The following PIK3CD variants were observed in gnomAD, a reference collection of about 807,000 sequenced individuals.
PIK3CD encodes phosphatidylinositol 4,5-bisphosphate 3-kinase catalytic subunit delta isoform.
PIK3CD carries 20 observed loss-of-function variants against 122.9 expected under a neutral mutation model. The ratio of observed to expected loss-of-function variants is 0.16; its 90% CI spans 0.11 to 0.24. The LOEUF (loss-of-function observed/expected upper bound fraction) is 0.24, where lower values mean the gene tolerates loss of function less well. PIK3CD is among the 10% of genes least tolerant of loss of function. The probability of loss-of-function intolerance (pLI) is 1.00; values close to 1 mark genes in which losing one functional copy is unlikely to be tolerated. For synonymous variants in PIK3CD, 596 were observed against 593.4 expected (o/e 1.00, Z -0.06); for missense variants, 787 against 1,406.3 (o/e 0.56, Z 7.04).
At chr1:9,635,567 G>A in the PIK3CD span, among the ~76,000 whole-genome samples, 1 of 152,114 alleles carries the variant, frequency 6.6e-6, no homozygotes, top group Non-Finnish European at 1.5e-5. Context: ...GCTCGCCTTG[G>A]GTCAGGTGAT....
At chr1:9,678,087 T>C (rs1172557550) in intron 1 of PIK3CD, among the ~76,000 whole-genome samples, 2 of 149,548 alleles carry the variant, frequency 1.3e-5, no homozygotes, top group African/African-American at 2.5e-5. Flanking sequence ...GAGGTTGCAG[T>C]GAGCCAAGAT....
chr1:9,637,635 C>T, the PIK3CD span, among the ~76,000 whole-genome samples: 3 of 152,130 alleles, frequency 2.0e-5, no homozygotes, highest in East Asian at 5.8e-4. Context: ...AAGGATCCTT[C>T]CTAGCCTCTT....
In PIK3CD at chr1:9,652,801, G is replaced by A. The variant is rs1033704865; in HGVS notation, c.-138+999G>A. 6.6e-6 allele frequency: 1 copy of A among 152,264 alleles called. No individual in the cohort carries two copies. The highest frequency in any genetic ancestry group is 6.5e-5 in the Admixed American group (1 of 15,272). The allele number at this position is 152,264 out of a possible 1,614,324, so 9.4% of individuals were successfully genotyped here. A position where few individuals can be genotyped will look rare whatever the true frequency, so the allele number is the denominator to read the frequency against. On this transcript the variant is annotated intron_variant, in intron 1 of 23. Coordinates refer to ENST00000377346, the MANE Select transcript of PIK3CD (RefSeq NM_005026.5). The surrounding 1 kb of genome is among the most constrained non-coding windows in gnomAD (Gnocchi z 6.2). The stretch of plus-strand genomic sequence containing the variant: ...GCTGGGAGGTCCCGAAAAGTGCGCT[G>A]TGGGTGGGGCGAGGGTGAAGCAGGT...
At chr1:9,707,322 CTTTT>C (rs112682484) in intron 2 of PIK3CD, among the ~76,000 whole-genome samples, 2 of 117,100 alleles carry the variant, frequency 1.7e-5, no homozygotes. Context: ...ATTGTGGTTT[CTTTT>C]TTTTTTTTTT....
intron 2 of PIK3CD, among the ~76,000 whole-genome samples, chr1:9,705,339 AAAG>A (rs917072236): frequency 2.6e-5 from 4 of 150,968 alleles, no homozygotes; most frequent in Non-Finnish European, 5.9e-5. Context: ...AAAAAAAAAA[AAAG>A]GAAAAAAAAA....
Position 9,727,117 on chromosome 1 carries a change from A to T in PIK3CD, c.*71A>T. On this transcript the variant is annotated 3_prime_UTR_variant, in exon 24 of 24. Coordinates refer to ENST00000377346, the MANE Select transcript of PIK3CD (RefSeq NM_005026.5). ...TGGGGACCAAGCACATTGGTCCTAA[A>T]GGGGCTGAAGAGCCTGAACTGCACC... The T allele has an allele frequency of 2.5e-6, 4 of 1,575,890 alleles. No individual in the cohort carries two copies. Among genetic ancestry groups the T allele is most frequent in the Non-Finnish European group, 2.6e-6 (3 of 1,147,706 alleles).
chr1:9,643,423 T>TGA, the PIK3CD span, among the ~76,000 whole-genome samples: 749 of 104,484 alleles, frequency 7.2e-3, 2 homozygotes, highest in Middle Eastern at 0.077. Context: ...AGACAGAAAG[T>TGA]GAGAGAGAGA....
At chr1:9,668,248 G>A (rs984872095) in intron 1 of PIK3CD, among the ~76,000 whole-genome samples, 7 of 152,044 alleles carry the variant, frequency 4.6e-5, no homozygotes, top group Admixed American at 2.0e-4. Flanking sequence ...GATTCAAACC[G>A]TAGCTCTTCC....
Position 9,724,459 on chromosome 1 carries a change from T to C in PIK3CD, c.2864+38T>C. Reference sequence around the variant, plus strand: ...GAGCCCCACCAGATGCCCCTCGGTGTGGGGCCCCAGGGAACAGGGCAGAGG... The same window carrying C: ...GAGCCCCACCAGATGCCCCTCGGTGCGGGGCCCCAGGGAACAGGGCAGAGG... On this transcript the variant is annotated intron_variant, in intron 22 of 23. Coordinates refer to ENST00000377346, the MANE Select transcript of PIK3CD (RefSeq NM_005026.5). This position sits in a 1 kb window ranked among gnomAD's most constrained non-coding sequence, Gnocchi z 7.3. The C allele has an allele frequency of 6.2e-7, 1 of 1,611,326 alleles. No homozygotes were observed. The highest frequency in any genetic ancestry group is 8.5e-7 in the Non-Finnish European group (1 of 1,178,068).
In PIK3CD at chr1:9,720,125, G is replaced by C. The variant is rs147088845; in HGVS notation, c.1353G>C (p.Glu451Asp). Reference sequence around the variant, plus strand: ...CCCTGTGTTCAGATGAGAAGGGCGAGCTGCTGAACCCCACGGGCACTGTGC... The same window carrying C: ...CCCTGTGTTCAGATGAGAAGGGCGACCTGCTGAACCCCACGGGCACTGTGC... ...MWPSVPDEKGELLNPTGTVRS... is the reference protein window; with the variant it reads ...MWPSVPDEKGDLLNPTGTVRS... The change falls in exon 11 of 24, where the codon GAG (glutamate) becomes GAC (aspartate). Residue 451 changes from glutamate to aspartate, a missense_variant. Glu to Asp is a conservative substitution (Grantham distance 45). This residue lies in a region of PIK3CD where 592 missense variants were observed against 920.6 expected (regional missense o/e 0.64). Transcript: ENST00000377346. This position sits in a 1 kb window ranked among gnomAD's most constrained non-coding sequence, Gnocchi z 9.0. The C allele has an allele frequency of 1.5e-5, 25 of 1,613,134 alleles. No individual in the cohort carries two copies. The Admixed American group carries it at 2.8e-4, about 18-fold the overall frequency.
Position 9,720,321 on chromosome 1 carries a change from G to C in PIK3CD, c.1470+79G>C. 1 of 1,517,152 alleles carries C rather than the reference G, an allele frequency of 6.6e-7. No individual in the cohort carries two copies. The highest frequency in any genetic ancestry group is 8.9e-7 in the Non-Finnish European group (1 of 1,124,192). 94.0% of individuals were successfully genotyped at this position (1,517,152 alleles called of 1,614,324 possible). On this transcript the variant is annotated intron_variant, in intron 11 of 23. Coordinates refer to ENST00000377346, the MANE Select transcript of PIK3CD (RefSeq NM_005026.5). This position sits in a 1 kb window ranked among gnomAD's most constrained non-coding sequence, Gnocchi z 9.0. ...GCCCTGCTCCTGGAGCTCTTCAGAG[G>C]GTGCTCCCTGGCCACGTCGGGGCTG...
chr1:9,716,879 T>C, intron 6 of PIK3CD, 80 bp from the exon 7 acceptor site: 4 of 1,597,730 alleles, frequency 2.5e-6, no homozygotes, highest in Non-Finnish European at 3.4e-6. Context: ...AGTGGGCAGC[T>C]TGGGGGGTCC....
At chr1:9,683,037 C>CTT (rs773555400) in intron 1 of PIK3CD, among the ~76,000 whole-genome samples, 12 of 123,496 alleles carry the variant, frequency 9.7e-5, no homozygotes, top group African/African-American at 1.9e-4. Flanking sequence ...GGCCCTGGAC[C>CTT]TTTTTTTTTT....
At chr1:9,683,058 G>T (rs537340051) in intron 1 of PIK3CD, among the ~76,000 whole-genome samples, 3,531 of 142,678 alleles carry the variant, frequency 0.025, 209 homozygotes, top group African/African-American at 0.092. Context: ...TTTTTTTTGG[G>T]GGGCTGGGTC....
intron 2 of PIK3CD, among the ~76,000 whole-genome samples, chr1:9,697,402 A>T (rs1301268955): frequency 6.6e-6 from 1 of 151,804 alleles, no homozygotes; most frequent in African/African-American, 2.4e-5. Flanking sequence ...TTTAAAAATC[A>T]TGGACTTGTG....
At chr1:9,642,460 G>C in the PIK3CD span, among the ~76,000 whole-genome samples, 1 of 148,576 alleles carries the variant, frequency 6.7e-6, no homozygotes, top group Admixed American at 6.7e-5. Context: ...GCTCACGCCT[G>C]TAATCCCAGC....
At position 9,722,746 on chromosome 1, in the gene PIK3CD, T is replaced by A; in HGVS notation, c.2426+140T>A. The A allele has an allele frequency of 1.3e-6, 1 of 770,684 alleles. No homozygotes were observed. The highest frequency in any genetic ancestry group is 2.3e-6 in the Non-Finnish European group (1 of 444,268). The allele number at this position is 770,684 out of a possible 1,614,324, so 47.7% of individuals were successfully genotyped here. A position where few individuals can be genotyped will look rare whatever the true frequency, so the allele number is the denominator to read the frequency against. ...TTCCTAGGAAGACCCGGAGGCGGTT[T>A]AACTCTAGGCCAGGAGGCGGCGGGC... On this transcript the variant is annotated intron_variant, in intron 19 of 23. Transcript: ENST00000377346. This position sits in a 1 kb window ranked among gnomAD's most constrained non-coding sequence, Gnocchi z 7.6.
In PIK3CD at chr1:9,720,025, C is replaced by T. The variant is rs1473820400; in HGVS notation, c.1339+8C>T. 3.1e-6 allele frequency: 5 copies of T among 1,613,426 alleles called. No individual in the cohort carries two copies. The highest frequency in any genetic ancestry group is 1.7e-5 in the Admixed American group (1 of 60,012). On this transcript the variant is annotated splice_region_variant and intron_variant, in intron 10 of 23. Transcript: ENST00000377346. The surrounding 1 kb of genome is among the most constrained non-coding windows in gnomAD (Gnocchi z 9.0). ...TGTGGCCCTCCGTCCCAGGTCGGCC[C>T]AGGCCCAGGAGGGAGAGGCGTTGGG...
At chr1:9,679,546 C>A (rs1180750253) in intron 1 of PIK3CD, among the ~76,000 whole-genome samples, 1 of 152,134 alleles carries the variant, frequency 6.6e-6, no homozygotes, top group Non-Finnish European at 1.5e-5. Flanking sequence ...TCTCCCAGGC[C>A]TTGGTTAGCC....
Sources: allele counts gnomAD v4.1 joint callset (sites outside exome capture counted in the v4.1 genomes callset), GRCh38; gene constraint gnomAD v4.1.1; regional missense constraint gnomAD v4.1.1; non-coding constraint Gnocchi (gnomAD v3.1); transcripts MANE v1.5; gene names NCBI Gene and HGNC (gene_info 2026-07-23, HGNC 2026-07-21).